Variants in GRIA4 observed in about 807,000 individuals in gnomAD.
The protein encoded by GRIA4 is glutamate ionotropic receptor AMPA type subunit 4, also known as glutamate receptor 4.
GRIA4 carries 34 observed loss-of-function variants against 104.0 expected under a neutral mutation model. The ratio of observed to expected loss-of-function variants is 0.33; its 90% CI spans 0.25 to 0.44. The LOEUF (loss-of-function observed/expected upper bound fraction) is 0.44. Ranked by LOEUF, GRIA4 falls within the 20% of genes least tolerant of loss-of-function variation. The pLI, the probability that GRIA4 is intolerant of heterozygous loss-of-function variation, is 1.00. For missense variants in GRIA4, 750 were observed against 1,096.5 expected (o/e 0.68, Z 4.46); for synonymous variants, 386 against 381.9 (o/e 1.01, Z -0.13).
At chr11:105,840,842 G>A (rs1426590799) in intron 4 of GRIA4, among the ~76,000 whole-genome samples, 1 of 152,158 alleles carries the variant, frequency 6.6e-6, no homozygotes, top group Non-Finnish European at 1.5e-5. Flanking sequence ...TATGGTTTCA[G>A]AAATTGTCTC....
intron 4 of GRIA4, among the ~76,000 whole-genome samples, chr11:105,822,622 T>A (rs1382821557): frequency 6.6e-6 from 1 of 152,124 alleles, no homozygotes; most frequent in Non-Finnish European, 1.5e-5. Flanking sequence ...TTCATGTAAT[T>A]TTACTTAAAT....
intron 14 of GRIA4, among the ~76,000 whole-genome samples, chr11:105,934,753 T>C (rs1947982998): frequency 6.6e-6 from 1 of 152,176 alleles, no homozygotes; most frequent in Non-Finnish European, 1.5e-5. Context: ...GTCCTGGACA[T>C]AGAAAATTCA....
At chr11:105,866,584 T>TATATATATATATATATATATATA (rs1945428481) in intron 5 of GRIA4, among the ~76,000 whole-genome samples, 2 of 143,124 alleles carry the variant, frequency 1.4e-5, no homozygotes, top group Admixed American at 7.1e-5. Flanking sequence ...TATATATATA[T>TATATATATATATATATATATATA]TCAGGTACTA....
intron 14 of GRIA4, among the ~76,000 whole-genome samples, chr11:105,948,862 A>G (rs1948395943): frequency 6.6e-6 from 1 of 152,018 alleles, no homozygotes; most frequent in African/African-American, 2.4e-5. Context: ...AAGTGCTGAG[A>G]TGACAGGCAT....
At chr11:105,971,825 GT>G in intron 14 of GRIA4, 88 bp from the exon 15 acceptor site, 5 of 821,718 alleles carry the variant, frequency 6.1e-6, no homozygotes, top group Non-Finnish European at 9.8e-6. Context: ...CCTCTGCTCT[GT>G]CACTTTGCCA....
chr11:105,731,057 C>A lies in GRIA4; in HGVS notation c.248-21924C>A, dbSNP rs1012596400. On this transcript the variant is annotated intron_variant, in intron 3 of 16. Transcript: ENST00000282499. ...CTAACTAAACTAAAGAGCTTCTGCA[C>A]AGCAAAAGAAACTATCATCAGAGTA... is the stretch of plus-strand genomic sequence containing the variant. Among the ~76,000 whole-genome samples the A allele has an allele frequency of 7.2e-5, 11 of 152,156 alleles. No individual in the cohort carries two copies. The South Asian group carries it at 8.3e-4, about 12-fold the overall frequency.
intron 3 of GRIA4, among the ~76,000 whole-genome samples, chr11:105,683,518 C>T (rs1254935471): frequency 1.3e-5 from 2 of 151,968 alleles, no homozygotes; most frequent in African/African-American, 2.4e-5. Flanking sequence ...TTTTTCAAGA[C>T]ATTTTTCAGG....
intron 14 of GRIA4, among the ~76,000 whole-genome samples, chr11:105,937,129 T>A (rs1948066982): frequency 6.6e-6 from 1 of 152,124 alleles, no homozygotes; most frequent in South Asian, 2.1e-4. Flanking sequence ...CCGAAACAAT[T>A]GTGAAAACCT....
intron 3 of GRIA4, among the ~76,000 whole-genome samples, chr11:105,673,621 C>T (rs745435856): frequency 1.2e-4 from 18 of 152,000 alleles, no homozygotes; most frequent in Admixed American, 3.9e-4. Flanking sequence ...TGTATCCACT[C>T]GCTAGCAATT....
chr11:105,939,793 T>C (rs965721708), intron 14 of GRIA4, among the ~76,000 whole-genome samples: 4 of 152,192 alleles, frequency 2.6e-5, no homozygotes, highest in African/African-American at 9.6e-5. Context: ...TTCGCTATTG[T>C]TGTTGTTGTT....
At chr11:105,839,407 T>C (rs1212661148) in intron 4 of GRIA4, among the ~76,000 whole-genome samples, 1 of 151,878 alleles carries the variant, frequency 6.6e-6, no homozygotes, top group East Asian at 1.9e-4. Context: ...GGAAATACTA[T>C]TCTCTCAATT....
intron 3 of GRIA4, among the ~76,000 whole-genome samples, chr11:105,667,401 A>C (rs1362287151): frequency 6.6e-6 from 1 of 151,932 alleles, no homozygotes; most frequent in African/African-American, 2.4e-5. Flanking sequence ...CATTTGAGAA[A>C]ATGGTTTTGA....
Position 105,924,758 on chromosome 11 carries a change from C to T in GRIA4, c.1836C>T (p.Asp612=). ...GTGCTTTTATGCAGCAAGGATGTGA[C>T]ATTTCACCCAGGTTAGTTTCAAATC... The part of the protein sequence containing the change: ...SLGAFMQQGC[D]ISPRSLSGRI... The change falls in exon 12 of 17, where the codon GAC becomes GAT. Residue 612 remains aspartate, a synonymous_variant. Coordinates refer to ENST00000282499, the MANE Select transcript of GRIA4 (RefSeq NM_000829.4). 1 of 1,601,940 alleles carries T rather than the reference C, an allele frequency of 6.2e-7. No individual in the cohort carries two copies. The highest frequency in any genetic ancestry group is 1.7e-5 in the Admixed American group (1 of 57,890).
At chr11:105,772,679 TAC>T (rs1052393140) in intron 4 of GRIA4, among the ~76,000 whole-genome samples, 3 of 151,702 alleles carry the variant, frequency 2.0e-5, no homozygotes, top group Middle Eastern at 3.4e-3. Flanking sequence ...TACACAAACA[TAC>T]ACACACACAC....
intron 6 of GRIA4, 138 bp from the exon 7 acceptor site, chr11:105,898,128 TTTA>T (rs775277321): frequency 1.7e-5 from 8 of 460,068 alleles, no homozygotes; most frequent in Non-Finnish European, 2.3e-5. Context: ...TTCCACATCT[TTTA>T]TTATCATTTT....
intron 10 of GRIA4, among the ~76,000 whole-genome samples, chr11:105,911,017 C>T (rs1189808785): frequency 6.6e-6 from 1 of 151,882 alleles, no homozygotes; most frequent in East Asian, 1.9e-4. Flanking sequence ...TGTCTGTTTA[C>T]AATAGTGAAG....
chr11:105,734,695 T>A (rs1483671319), intron 3 of GRIA4, among the ~76,000 whole-genome samples: 1 of 152,194 alleles, frequency 6.6e-6, no homozygotes, highest in African/African-American at 2.4e-5. Context: ...ATTGTTCAGC[T>A]TCTTTATAGC....
intron 3 of GRIA4, among the ~76,000 whole-genome samples, chr11:105,745,678 T>C (rs1475380834): frequency 6.6e-6 from 1 of 152,208 alleles, no homozygotes; most frequent in Admixed American, 6.5e-5. Context: ...CTAGTTCATA[T>C]GTTGTTCCAG....
At chr11:105,674,885 G>A (rs1952486312) in intron 3 of GRIA4, among the ~76,000 whole-genome samples, 1 of 151,896 alleles carries the variant, frequency 6.6e-6, no homozygotes, top group African/African-American at 2.4e-5. Context: ...CAAAACCTTA[G>A]TAGTGATAGC....
Sources: allele counts gnomAD v4.1 joint callset (sites outside exome capture counted in the v4.1 genomes callset), GRCh38; gene constraint gnomAD v4.1.1; transcripts MANE v1.5; gene names NCBI Gene and HGNC (gene_info 2026-07-23, HGNC 2026-07-21).